ADGRF1: variants seen among roughly 807,000 people sequenced by gnomAD.
The protein encoded by ADGRF1 is adhesion G protein-coupled receptor F1.
Under a neutral mutation model 87.2 loss-of-function variants are expected in ADGRF1, and 85 were observed. The ratio of observed to expected loss-of-function variants is 0.97; its 90% CI spans 0.82 to 1.17. The LOEUF is 1.17. Among genes scored for constraint, ADGRF1 ranks in the 50% most tolerant of loss-of-function variants. The pLI is 0.00. For synonymous variants in ADGRF1, 430 were observed against 408.8 expected (o/e 1.05, Z -0.63); for missense variants, 1,169 against 1,077.2 (o/e 1.09, Z -1.19).
At chr6:47,032,119 C>T (rs774045357) in intron 1 of ADGRF1, among the ~76,000 whole-genome samples, 19 of 152,112 alleles carry the variant, frequency 1.2e-4, no homozygotes, top group African/African-American at 3.1e-4. Flanking sequence ...CAGGGGAAAG[C>T]GGCTGAGGGA....
In ADGRF1 at chr6:47,034,594, A is replaced by G. The variant is rs140771489; in HGVS notation, c.-43-5490T>C. On this transcript the variant is annotated intron_variant, in intron 1 of 14. Transcript: ENST00000371253. ...ACTGACAGCCTCCAATTTCCCAGGC[A>G]TTGTGCCATGCACTGGCTGTTAACA... Among the ~76,000 whole-genome samples the G allele has an allele frequency of 4.3e-3, 653 of 152,344 alleles. 6 individuals are homozygous for G. The highest frequency in any genetic ancestry group is 0.014 in the African/African-American group (597 of 41,576).
chr6:47,024,385 G>C (rs1273664510), intron 4 of ADGRF1, 168 bp from the exon 5 acceptor site: 1 of 546,452 alleles, frequency 1.8e-6, no homozygotes, highest in Non-Finnish European at 3.2e-6. Context: ...CATGATCTCA[G>C]CTCACTGCAA....
chr6:47,042,025 T>C (rs1218269542), intron 1 of ADGRF1, among the ~76,000 whole-genome samples, 166 bp downstream of exon 1: 2 of 152,216 alleles, frequency 1.3e-5, no homozygotes, highest in Admixed American at 1.3e-4. Context: ...TTGTTTCTGC[T>C]CATTGCTTTT....
chr6:47,039,294 A>G (rs1780671984), intron 1 of ADGRF1, among the ~76,000 whole-genome samples: 1 of 152,246 alleles, frequency 6.6e-6, no homozygotes, highest in Non-Finnish European at 1.5e-5. Flanking sequence ...CAGTTTTAGG[A>G]CTGCATACCT....
intron 13 of ADGRF1, among the ~76,000 whole-genome samples, chr6:47,002,858 G>C (rs554398216): frequency 6.6e-6 from 1 of 152,190 alleles, no homozygotes; most frequent in East Asian, 1.9e-4. Flanking sequence ...TTGAAGGATG[G>C]TCCTTGCTGA....
chr6:46,997,858 A>C lies in ADGRF1; in HGVS notation c.*2364T>G, dbSNP rs1779256838. ...CCTCATAAAATTTATTCAGTGGGAG[A>C]AGCTTTTTCTTCCATCAGATACATT... On this transcript the variant is annotated 3_prime_UTR_variant, in exon 15 of 15. Transcript: ENST00000371253. The C allele has an allele frequency of 6.6e-6, 1 of 152,114 alleles. No individual in the cohort carries two copies. The highest frequency in any genetic ancestry group is 6.5e-5 in the Admixed American group (1 of 15,272). The allele number at this position is 152,114 out of a possible 1,614,324, so 9.4% of individuals were successfully genotyped here. A position where few individuals can be genotyped will look rare whatever the true frequency, so the allele number is the denominator to read the frequency against.
At chr6:47,001,404 A>G (rs1779359746) in intron 14 of ADGRF1, 97 bp downstream of exon 14, 1 of 975,992 alleles carries the variant, frequency 1.0e-6, no homozygotes, top group East Asian at 2.6e-5. Flanking sequence ...CACTTCTCAC[A>G]TGAGTTTCTT....
chr6:47,014,745 T>C lies in ADGRF1; in HGVS notation c.863A>G (p.Glu288Gly), dbSNP rs1354931673. Residue 288 changes from glutamate to glycine, a missense_variant, in exon 9 of 15, where the codon GAG becomes GGG. By Grantham distance (98) the Glu-to-Gly change is moderately conservative (BLOSUM62 -2). Coordinates refer to ENST00000371253, the MANE Select transcript of ADGRF1 (RefSeq NM_153840.4). ...GYRGNITAKC[E>G]SSGWQVIRET... Reference sequence around the variant, plus strand: ...CCTGATGACCTGCCACCCAGAGGACTCACACTTGGCTGTGATGTTTCCCCT... The same window carrying C: ...CCTGATGACCTGCCACCCAGAGGACCCACACTTGGCTGTGATGTTTCCCCT... The C allele has an allele frequency of 6.2e-7, 1 of 1,613,922 alleles. No individual in the cohort carries two copies. Among genetic ancestry groups the C allele is most frequent in the East Asian group, 2.2e-5 (1 of 44,790 alleles).
At chr6:47,019,853 A>G in intron 7 of ADGRF1, 1 of 984,876 alleles carries the variant, frequency 1.0e-6, no homozygotes, top group South Asian at 4.7e-5. Flanking sequence ...GGCTAACTAA[A>G]CAACTTTTGG....
rs561208832 is a variant in ADGRF1, at chr6:47,037,892, G to A, written c.-44+4299C>T. Among the ~76,000 whole-genome samples, 36 of 151,830 alleles carry A rather than the reference G, an allele frequency of 2.4e-4. No homozygotes were observed. In the Middle Eastern group the frequency reaches 0.01, roughly 43 times the overall value. Reference sequence around the variant, plus strand: ...TGTTTGTGTTTTGAGACGGAGTCACGCCCTGTCACCCAGGCTGGAGTGCAG... The same window carrying A: ...TGTTTGTGTTTTGAGACGGAGTCACACCCTGTCACCCAGGCTGGAGTGCAG... On this transcript the variant is annotated intron_variant, in intron 1 of 14. Transcript: ENST00000371253.
intron 9 of ADGRF1, chr6:47,013,250 C>T: frequency 1.0e-6 from 1 of 985,438 alleles, no homozygotes; most frequent in Non-Finnish European, 1.2e-6. Context: ...GTTTTCTGTT[C>T]AAGCCACCTG....
chr6:47,008,776 A>G (rs1436877763), intron 11 of ADGRF1, among the ~76,000 whole-genome samples, 169 bp downstream of exon 11: 2 of 152,238 alleles, frequency 1.3e-5, no homozygotes, highest in East Asian at 3.8e-4. Flanking sequence ...GTATGATAGT[A>G]ACTAAGTAAG....
chr6:47,037,573 T>C (rs1305182620), intron 1 of ADGRF1, among the ~76,000 whole-genome samples: 1 of 152,320 alleles, frequency 6.6e-6, no homozygotes, highest in East Asian at 1.9e-4. Context: ...CGTGCCATGA[T>C]CATAGCTCAC....
intron 13 of ADGRF1, 72 bp downstream of exon 13, chr6:47,005,745 A>T: frequency 9.1e-7 from 1 of 1,100,052 alleles, no homozygotes; most frequent in Non-Finnish European, 1.4e-6. Context: ...GGCTTGCAGC[A>T]AGACTGTATA....
intron 1 of ADGRF1, among the ~76,000 whole-genome samples, chr6:47,032,032 A>C (rs576908486): frequency 1.3e-5 from 2 of 152,280 alleles, no homozygotes; most frequent in African/African-American, 4.8e-5. Flanking sequence ...TTAAAGCTAC[A>C]CAAGCAATGC....
intron 5 of ADGRF1, 139 bp downstream of exon 5, chr6:47,023,905 G>T (rs1780147786): frequency 1.4e-6 from 1 of 722,546 alleles, no homozygotes; most frequent in South Asian, 1.9e-5. Flanking sequence ...GTCCAGACAG[G>T]CCTAACATGA....
intron 1 of ADGRF1, among the ~76,000 whole-genome samples, chr6:47,032,093 G>A (rs1780447273): frequency 6.6e-6 from 1 of 152,046 alleles, no homozygotes. Context: ...TTTAAGTATA[G>A]GAAAAACGAT....
rs138699985 is a variant in ADGRF1 at position 47,007,923 on chromosome 6, C to T, written c.2491-629G>A. ...TCTATGATTGCCATCCATACTAGCA[C>T]CTGACTGTTCACTGGTTGCTGAATA... On this transcript the variant is annotated intron_variant, in intron 11 of 14. Coordinates refer to ENST00000371253, the MANE Select transcript of ADGRF1 (RefSeq NM_153840.4). 3.1e-3 allele frequency among the ~76,000 whole-genome samples: 471 copies of T among 152,326 alleles called. 2 individuals are homozygous for T. The highest frequency in any genetic ancestry group is 0.01 in the African/African-American group (435 of 41,590).
Position 47,009,958 on chromosome 6 carries a change from C to T in ADGRF1, c.1477G>A (p.Val493Ile), listed in dbSNP as rs377139714. 1.1e-4 allele frequency: 183 copies of T among 1,614,016 alleles called. No individual in the cohort carries two copies. The highest frequency in any genetic ancestry group is 2.2e-4 in the Admixed American group (13 of 60,002). The change falls in exon 11 of 15, where the codon GTT becomes ATT. Residue 493 changes from valine (V) to isoleucine (I), a missense_variant. Coordinates refer to ENST00000371253, the MANE Select transcript of ADGRF1 (RefSeq NM_153840.4). ...ASLTLGNILP[V>I]SKNGNAQVNG... ...ACCTGAGCATTTCCATTTTTGGAAA[C>T]GGGTAGAATGTTCCCCAGAGTCAAC...
Sources: allele counts gnomAD v4.1 joint callset (sites outside exome capture counted in the v4.1 genomes callset), GRCh38; gene constraint gnomAD v4.1.1; transcripts MANE v1.5; gene names NCBI Gene and HGNC (gene_info 2026-07-23, HGNC 2026-07-21).